Variants in STXBP5L observed in about 807,000 individuals in gnomAD.
STXBP5L encodes the protein syntaxin-binding protein 5-like.
A neutral mutation model predicts 144.5 loss-of-function variants in STXBP5L; 65 were observed. The observed-to-expected ratio is 0.45, with a 90% CI of 0.37 to 0.55. STXBP5L has a LOEUF of 0.55. Ranked by LOEUF, STXBP5L falls within the 20% of genes least tolerant of loss-of-function variation. The probability of loss-of-function intolerance (pLI) is 0.00; values close to 1 mark genes in which losing one functional copy is unlikely to be tolerated. For missense variants in STXBP5L, 1,298 were observed against 1,405.5 expected, an observed-to-expected ratio of 0.92 and a Z score of 1.22; for synonymous variants, 505 against 469.6, an observed-to-expected ratio of 1.08 and a Z score of -0.97.
At chr3:120,928,434 T>TGTATTTTTA (rs1345874806) in intron 2 of STXBP5L, among the ~76,000 whole-genome samples, 2 of 152,082 alleles carry the variant, frequency 1.3e-5, no homozygotes, top group East Asian at 3.9e-4. Flanking sequence ...GGCTAATTTT[T>TGTATTTTTA]GTATTTTTAG....
chr3:121,142,356 A>T (rs1409862390), intron 7 of STXBP5L, among the ~76,000 whole-genome samples: 1 of 152,036 alleles, frequency 6.6e-6, no homozygotes, highest in Admixed American at 6.6e-5. Context: ...GATTATCCAG[A>T]TATATTAAAA....
intron 3 of STXBP5L, among the ~76,000 whole-genome samples, chr3:120,978,985 G>A (rs1339230700): frequency 6.6e-6 from 1 of 152,142 alleles, no homozygotes; most frequent in Non-Finnish European, 1.5e-5. Flanking sequence ...ATGCTGCTTG[G>A]GGGTCAGGGG....
chr3:120,990,896 A>G (rs1479491691), intron 3 of STXBP5L, among the ~76,000 whole-genome samples: 1 of 152,218 alleles, frequency 6.6e-6, no homozygotes, highest in African/African-American at 2.4e-5. Context: ...AACCTAGGCA[A>G]TACCATTCAG....
In STXBP5L at chr3:121,421,654, T is replaced by A. The variant is rs2047355367; in HGVS notation, c.*2557T>A. 6.6e-6 allele frequency: 1 copy of A among 152,190 alleles called. No homozygotes were observed. The highest frequency in any genetic ancestry group is 2.4e-5 in the African/African-American group (1 of 41,458). The allele number at this position is 152,190 out of a possible 1,614,324, so 9.4% of individuals were successfully genotyped here. A position where few individuals can be genotyped will look rare whatever the true frequency, so the allele number is the denominator to read the frequency against. ...AATTACATGTGTGGTTCATATGCAA[T>A]AAGATACAATTTTGAAGAAAGCTTA... On this transcript the variant is annotated 3_prime_UTR_variant, in exon 27 of 27. Transcript: ENST00000471454.
At chr3:121,145,251 ATAAT>A (rs1274540293) in intron 7 of STXBP5L, among the ~76,000 whole-genome samples, 16 of 151,910 alleles carry the variant, frequency 1.1e-4, no homozygotes, top group Admixed American at 2.6e-4. Context: ...ACATTAAAAA[ATAAT>A]TAATTATGAC....
chr3:121,381,733 C>A (rs2046329083), intron 22 of STXBP5L, among the ~76,000 whole-genome samples: 1 of 152,040 alleles, frequency 6.6e-6, no homozygotes, highest in South Asian at 2.1e-4. Context: ...AGAGTACAAC[C>A]ATTTCTTCGG....
At chr3:121,183,182 C>T (rs777189533) in intron 9 of STXBP5L, among the ~76,000 whole-genome samples, 49 of 152,132 alleles carry the variant, frequency 3.2e-4, no homozygotes, top group African/African-American at 1.1e-3. Context: ...CCACAGTCAA[C>T]GTCATACTGA....
chr3:121,378,693 CT>C (rs1363108269), intron 20 of STXBP5L, 22 bp from the exon 21 acceptor site: 1 of 1,608,668 alleles, frequency 6.2e-7, no homozygotes, highest in South Asian at 1.1e-5. Flanking sequence ...TATATGTATG[CT>C]GCCTTCCTCC....
chr3:121,157,688 A>G (rs2046169674), intron 9 of STXBP5L, 61 bp downstream of exon 9: 1 of 1,552,704 alleles, frequency 6.4e-7, no homozygotes, highest in Non-Finnish European at 8.6e-7. Flanking sequence ...ACTTGAAGTA[A>G]GAGAGATGGT....
At chr3:121,195,170 C>T (rs191844890) in intron 9 of STXBP5L, among the ~76,000 whole-genome samples, 145 of 151,954 alleles carry the variant, frequency 9.5e-4, no homozygotes, top group Non-Finnish European at 1.7e-3. Context: ...GTGATCTGCC[C>T]ACCTCGGCTT....
intron 10 of STXBP5L, among the ~76,000 whole-genome samples, chr3:121,209,012 T>C (rs938468940): frequency 4.6e-5 from 7 of 152,120 alleles, no homozygotes; most frequent in African/African-American, 1.7e-4. Context: ...AGTGAGAATA[T>C]GCAGTGTTTG....
Position 120,999,820 on chromosome 3 carries a change from C to T in STXBP5L, c.288-41880C>T, listed in dbSNP as rs550526039. On this transcript the variant is annotated intron_variant, in intron 3 of 26. Transcript: ENST00000471454. The stretch of plus-strand genomic sequence containing the variant: ...CTTGTCTGAAAAATATTGCATTTCT[C>T]CTTTATTTGTCTCCTTTATTTGCTT... Among the ~76,000 whole-genome samples the T allele has an allele frequency of 5.7e-3, 648 of 114,520 alleles. 5 individuals carry two copies. Among genetic ancestry groups the T allele is most frequent in the African/African-American group, 0.017 (618 of 35,972 alleles). The allele number at this position is 114,520 out of a possible 152,430, so 75.1% of individuals were successfully genotyped here.
chr3:121,137,291 C>T (rs183846641), intron 7 of STXBP5L, among the ~76,000 whole-genome samples: 22 of 152,068 alleles, frequency 1.4e-4, no homozygotes, highest in African/African-American at 5.3e-4. Context: ...AATTGGTAAA[C>T]TTTTAGCTAC....
rs540870196 is a variant in STXBP5L at position 121,006,531 on chromosome 3, G to T, written c.288-35169G>T. ...TTTGCCAGTCCGTGTCTTTTAATTG[G>T]GGCATTTAGCCCATTTACATTTAAG... On this transcript the variant is annotated intron_variant, in intron 3 of 26. Coordinates refer to ENST00000471454, the MANE Select transcript of STXBP5L (RefSeq NM_001308330.2). Among the ~76,000 whole-genome samples the T allele has an allele frequency of 4.6e-5, 7 of 152,130 alleles. No homozygotes were observed. The East Asian group carries it at 1.4e-3, about 29-fold the overall frequency.
chr3:121,250,604 T>C, intron 14 of STXBP5L, 119 bp from the exon 15 acceptor site: 4 of 806,210 alleles, frequency 5.0e-6, no homozygotes, highest in East Asian at 2.7e-5. Flanking sequence ...TTAGTTTTCA[T>C]TAAAGTGGTA....
chr3:121,005,454 T>G (rs560134258), intron 3 of STXBP5L, among the ~76,000 whole-genome samples: 1 of 152,298 alleles, frequency 6.6e-6, no homozygotes, highest in African/African-American at 2.4e-5. Flanking sequence ...TCTTCTTTAT[T>G]AGTCATGCTA....
intron 5 of STXBP5L, among the ~76,000 whole-genome samples, chr3:121,112,852 T>G (rs2044055509): frequency 6.6e-6 from 1 of 152,206 alleles, no homozygotes; most frequent in South Asian, 2.1e-4. Flanking sequence ...TAAATTAAGT[T>G]GTATAAAGGT....
At chr3:121,179,425 G>A (rs144314534) in intron 9 of STXBP5L, among the ~76,000 whole-genome samples, 317 of 152,158 alleles carry the variant, frequency 2.1e-3, no homozygotes, top group African/African-American at 6.5e-3. Context: ...AAAAAATACC[G>A]TACATAAACA....
intron 5 of STXBP5L, among the ~76,000 whole-genome samples, chr3:121,093,953 G>T (rs2042970440): frequency 1.3e-5 from 2 of 152,066 alleles, no homozygotes; most frequent in Non-Finnish European, 2.9e-5. Flanking sequence ...ATGTGTCCCG[G>T]AGATTCTGGT....
Sources: gnomAD v4.1 joint callset for allele counts (sites outside exome capture counted in the v4.1 genomes callset) on GRCh38, gnomAD v4.1.1 for gene constraint, MANE v1.5 for transcripts, NCBI Gene and HGNC (gene_info 2026-07-23, HGNC 2026-07-21) for gene names.